The following TSGA10 variants were observed in gnomAD, a reference collection of about 807,000 sequenced individuals.
The protein encoded by TSGA10 is testis specific 10, also known as testis-specific gene 10 protein.
Under a neutral mutation model 96.6 loss-of-function variants are expected in TSGA10, and 43 were observed. The observed-to-expected ratio is 0.44, with a 90% CI of 0.35 to 0.57. The LOEUF (loss-of-function observed/expected upper bound fraction) is 0.57, where lower values mean the gene tolerates loss of function less well. Ranked by LOEUF, TSGA10 falls within the 20% of genes least tolerant of loss-of-function variation. TSGA10 has a pLI of 0.01. For synonymous variants in TSGA10, 229 were observed against 269.9 expected, an observed-to-expected ratio of 0.85 and a Z score of 1.48; for missense variants, 703 against 834.4, an observed-to-expected ratio of 0.84 and a Z score of 1.94.
intron 20 of TSGA10, among the ~76,000 whole-genome samples, chr2:99,010,185 C>G (rs183028908): frequency 3.3e-5 from 5 of 152,166 alleles, no homozygotes; most frequent in Admixed American, 3.3e-4. Flanking sequence ...AAAAGGAAAT[C>G]AAACTCTTAA....
At chr2:99,121,416 AACATCTTTTTCTAGTATACC>A (rs2092562928) in intron 2 of TSGA10, among the ~76,000 whole-genome samples, 1 of 294 alleles carries the variant, frequency 3.4e-3, no homozygotes, top group African/African-American at 0.011. Flanking sequence ...ACAGAGGCTG[AACATCTTTTTCTAGTATACC>A]AGACATCCTT....
At chr2:99,150,887 G>A in intron 1 of TSGA10, 1 of 1,186,794 alleles carries the variant, frequency 8.4e-7, no homozygotes, top group South Asian at 1.5e-5. Flanking sequence ...GACTAAGGGG[G>A]GTGTTGAAAG....
At position 99,018,811 on chromosome 2, in the gene TSGA10, A is replaced by G. The variant is rs561551611; in HGVS notation, c.1818-171T>C. On this transcript the variant is annotated intron_variant, in intron 18 of 20. Coordinates refer to ENST00000393483, the MANE Select transcript of TSGA10 (RefSeq NM_025244.4). ...AAAATATGCCCATGTTAGACATAGT[A>G]AGTATGCAGAGTAGCCTACTTGAAA... Among the ~76,000 whole-genome samples the G allele has an allele frequency of 7.2e-5, 11 of 152,316 alleles. 1 individual carries two copies. The highest frequency in any genetic ancestry group is 6.5e-4 in the Admixed American group (10 of 15,296).
At chr2:99,066,575 C>G (rs1248026311) in intron 15 of TSGA10, among the ~76,000 whole-genome samples, 2 of 152,044 alleles carry the variant, frequency 1.3e-5, no homozygotes. Context: ...AGTTCTGTGA[C>G]CAGGTAGTAC....
At chr2:99,101,607 A>G (rs2090742858) in intron 10 of TSGA10, among the ~76,000 whole-genome samples, 1 of 152,180 alleles carries the variant, frequency 6.6e-6, no homozygotes, top group African/African-American at 2.4e-5. Context: ...AAGAAAGCCT[A>G]TGGGATATAT....
intron 16 of TSGA10, among the ~76,000 whole-genome samples, chr2:99,052,638 T>G (rs1040835120): frequency 1.3e-5 from 2 of 151,888 alleles, no homozygotes; most frequent in African/African-American, 4.8e-5. Context: ...CTTGGGAGGC[T>G]GAGGCAGAAG....
intron 10 of TSGA10, among the ~76,000 whole-genome samples, chr2:99,086,914 A>C (rs1033566356): frequency 9.9e-5 from 15 of 152,038 alleles, no homozygotes; most frequent in Non-Finnish European, 2.9e-5. Context: ...AAAAAAAAAA[A>C]AATTTGGGGG....
intron 16 of TSGA10, among the ~76,000 whole-genome samples, chr2:99,041,759 G>T (rs1427561093): frequency 6.6e-6 from 1 of 152,084 alleles, no homozygotes; most frequent in African/African-American, 2.4e-5. Flanking sequence ...TCTAGACATT[G>T]GCTTAGGCAA....
At chr2:99,123,417 G>C (rs779395908) in intron 2 of TSGA10, among the ~76,000 whole-genome samples, 12 of 151,894 alleles carry the variant, frequency 7.9e-5, no homozygotes, top group South Asian at 2.1e-4. Flanking sequence ...GTTCACATTA[G>C]GTAATTATTT....
intron 10 of TSGA10, 37 bp downstream of exon 10, chr2:99,103,929 TA>T: frequency 1.9e-6 from 3 of 1,603,322 alleles, no homozygotes; most frequent in Non-Finnish European, 2.6e-6. Flanking sequence ...GCTATAGTTA[TA>T]GTAAACTGTT....
chr2:99,128,392 G>A (rs2092929591), intron 1 of TSGA10, among the ~76,000 whole-genome samples: 1 of 151,124 alleles, frequency 6.6e-6, no homozygotes, highest in South Asian at 2.2e-4. Context: ...TTCTTACATG[G>A]TTTCTGTTAA....
intron 1 of TSGA10, among the ~76,000 whole-genome samples, chr2:99,153,648 T>A (rs1169991218): frequency 3.3e-5 from 5 of 152,254 alleles, no homozygotes; most frequent in Admixed American, 2.6e-4. Context: ...AGCAACAATA[T>A]TCTGTGACTG....
At chr2:99,099,426 A>G (rs1204829960) in intron 10 of TSGA10, among the ~76,000 whole-genome samples, 1 of 152,254 alleles carries the variant, frequency 6.6e-6, no homozygotes, top group Middle Eastern at 3.2e-3. Context: ...TAGACCAACA[A>G]TAAGTAACAA....
intron 16 of TSGA10, among the ~76,000 whole-genome samples, chr2:99,063,852 G>T (rs2084958438): frequency 6.6e-6 from 1 of 151,862 alleles, no homozygotes; most frequent in African/African-American, 2.4e-5. Flanking sequence ...ATAGAAAAAT[G>T]GCCAAAGTTT....
intron 10 of TSGA10, among the ~76,000 whole-genome samples, chr2:99,088,710 T>C (rs1362889487): frequency 1.3e-5 from 2 of 152,184 alleles, no homozygotes; most frequent in African/African-American, 4.8e-5. Flanking sequence ...TAAAAACATA[T>C]GCCCATAAAA....
At chr2:99,154,041 T>C (rs1206662503) in intron 1 of TSGA10, among the ~76,000 whole-genome samples, 1 of 152,062 alleles carries the variant, frequency 6.6e-6, no homozygotes, top group Non-Finnish European at 1.5e-5. Context: ...TTTTGGCCAA[T>C]AGAATATGGC....
intron 10 of TSGA10, among the ~76,000 whole-genome samples, chr2:99,088,581 T>A (rs1435732045): frequency 6.6e-6 from 1 of 152,180 alleles, no homozygotes; most frequent in African/African-American, 2.4e-5. Context: ...GGCTGCATTA[T>A]AAATTGTTAC....
intron 1 of TSGA10, among the ~76,000 whole-genome samples, chr2:99,152,617 A>C (rs1466157325): frequency 6.6e-6 from 1 of 152,228 alleles, no homozygotes; most frequent in Non-Finnish European, 1.5e-5. Context: ...AAGAAAGTAA[A>C]GAAACAGAAT....
intron 1 of TSGA10, among the ~76,000 whole-genome samples, chr2:99,127,883 C>G (rs1398251770): frequency 6.6e-6 from 1 of 152,084 alleles, no homozygotes; most frequent in Non-Finnish European, 1.5e-5. Flanking sequence ...AATTTCATTT[C>G]TAGAAATTTA....
Sources: gnomAD v4.1 joint callset for allele counts (sites outside exome capture counted in the v4.1 genomes callset) on GRCh38, gnomAD v4.1.1 for gene constraint, MANE v1.5 for transcripts, NCBI Gene and HGNC (gene_info 2026-07-23, HGNC 2026-07-21) for gene names.